Variants in ATF3 observed in about 807,000 individuals in gnomAD.
The protein encoded by ATF3 is cyclic AMP-dependent transcription factor ATF-3.
A neutral mutation model predicts 18.4 loss-of-function variants in ATF3; 10 were observed. The observed-to-expected ratio is 0.54, with a 90% CI of 0.34 to 0.92. The LOEUF (loss-of-function observed/expected upper bound fraction) is 0.92. Ranked by LOEUF, ATF3 falls within the 40% of genes least tolerant of loss-of-function variation. ATF3 has a pLI of 0.02. For synonymous variants in ATF3, 78 were observed against 87.9 expected (o/e 0.89, Z 0.63); for missense variants, 183 against 222.3 (o/e 0.82, Z 1.12).
chr1:212,614,548 CTT>C (rs766298744), intron 1 of ATF3, among the ~76,000 whole-genome samples: 13 of 108,002 alleles, frequency 1.2e-4, no homozygotes, highest in African/African-American at 4.6e-4. Context: ...GAAAAAGAGG[CTT>C]TTTTTTTTAA....
chr1:212,595,876 G>C (rs937058918), intron 1 of ATF3, among the ~76,000 whole-genome samples: 1 of 152,228 alleles, frequency 6.6e-6, no homozygotes, highest in Non-Finnish European at 1.5e-5. Context: ...CCTACACAAG[G>C]AAGTGACTTT....
At chr1:212,591,180 C>T (rs1217268472) in intron 1 of ATF3, among the ~76,000 whole-genome samples, 1 of 152,172 alleles carries the variant, frequency 6.6e-6, no homozygotes, top group Admixed American at 6.5e-5. Flanking sequence ...GAATGCTTTT[C>T]CCCACCTTCT....
At chr1:212,573,101 G>A (rs1032382098) in intron 1 of ATF3, among the ~76,000 whole-genome samples, 1 of 151,972 alleles carries the variant, frequency 6.6e-6, no homozygotes, top group Admixed American at 6.6e-5. Flanking sequence ...CAGTGTTTGT[G>A]CATCTTATTT....
At chr1:212,586,836 C>T (rs767442126) in intron 1 of ATF3, among the ~76,000 whole-genome samples, 3 of 152,176 alleles carry the variant, frequency 2.0e-5, no homozygotes, top group Non-Finnish European at 4.4e-5. Context: ...GTCAGTGCTG[C>T]AACCTTAAGA....
intron 1 of ATF3, among the ~76,000 whole-genome samples, chr1:212,590,631 A>G (rs1353530648): frequency 6.6e-6 from 1 of 152,212 alleles, no homozygotes; most frequent in Admixed American, 6.5e-5. Flanking sequence ...AAAACGTAAC[A>G]GGTGGAAATA....
intron 1 of ATF3, among the ~76,000 whole-genome samples, chr1:212,571,072 A>C (rs1348906905): frequency 6.6e-6 from 1 of 152,064 alleles, no homozygotes. Flanking sequence ...ACCATTGTAC[A>C]CTCCCACCAA....
intron 1 of ATF3, 48 bp downstream of exon 1, chr1:212,608,978 T>G (rs1432074918): frequency 1.3e-5 from 2 of 152,162 alleles, no homozygotes; most frequent in African/African-American, 4.8e-5. Flanking sequence ...GCTGCTCGCC[T>G]TCATTCCCTT....
chr1:212,572,553 C>T (rs1393251273), intron 1 of ATF3, among the ~76,000 whole-genome samples: 1 of 152,166 alleles, frequency 6.6e-6, no homozygotes, highest in Non-Finnish European at 1.5e-5. Context: ...ATTTTATTTG[C>T]TGTTCATACT....
Position 212,619,146 on chromosome 1 carries a change from C to A in ATF3, c.349-212C>A, listed in dbSNP as rs374539070. 21 of 1,613,808 alleles carry A rather than the reference C, an allele frequency of 1.3e-5. No individual in the cohort carries two copies. The African/African-American group carries it at 2.5e-4, about 19-fold the overall frequency. ...GCTTCAGTATTAGCAGAGCCACAGG[C>A]CGCCTCTGTGGCATCACCAGGGTTT... On this transcript the variant is annotated intron_variant, in intron 3 of 3. Coordinates refer to ENST00000341491, the MANE Select transcript of ATF3 (RefSeq NM_001674.4). This position sits in a 1 kb window ranked among gnomAD's most constrained non-coding sequence, Gnocchi z 4.4.
chr1:212,565,655 A>G (rs143587293), intron 1 of ATF3, among the ~76,000 whole-genome samples: 41 of 152,264 alleles, frequency 2.7e-4, no homozygotes, highest in African/African-American at 7.5e-4. Flanking sequence ...ATGGTACCCA[A>G]TGAAGTGATC....
intron 1 of ATF3, among the ~76,000 whole-genome samples, chr1:212,576,999 G>A (rs1250815640): frequency 2.0e-5 from 3 of 151,646 alleles, no homozygotes; most frequent in African/African-American, 4.8e-5. Context: ...CCAAAGTACC[G>A]GGATTACAGG....
At chr1:212,572,472 T>C (rs1418811505) in intron 1 of ATF3, among the ~76,000 whole-genome samples, 4 of 152,146 alleles carry the variant, frequency 2.6e-5, no homozygotes, top group Non-Finnish European at 4.4e-5. Flanking sequence ...TGAGCTGAGA[T>C]TGCACCATTG....
chr1:212,617,590 A>G (rs1655183413), intron 2 of ATF3, among the ~76,000 whole-genome samples: 1 of 152,166 alleles, frequency 6.6e-6, no homozygotes, highest in Admixed American at 6.5e-5. Context: ...TGCCTTTTCT[A>G]CAGGAGCATC....
Position 212,618,757 on chromosome 1 carries a change from G to A in ATF3, c.348+523G>A, listed in dbSNP as rs372523311. The A allele has an allele frequency of 1.4e-5, 7 of 515,468 alleles. No homozygotes were observed. The highest frequency in any genetic ancestry group is 3.6e-5 in the East Asian group (1 of 27,816). 31.9% of individuals were successfully genotyped at this position (515,468 alleles called of 1,614,324 possible). ...GCCCCTGGCTGCGTTCAGCCGGCCC[G>A]CCTGAGAGACACTAGGGGAAATAGC... is the stretch of plus-strand genomic sequence containing the variant. On this transcript the variant is annotated intron_variant, in intron 3 of 3. Transcript: ENST00000341491. This position sits in a 1 kb window ranked among gnomAD's most constrained non-coding sequence, Gnocchi z 4.4.
intron 1 of ATF3, among the ~76,000 whole-genome samples, chr1:212,576,166 G>C (rs1216406548): frequency 6.6e-6 from 1 of 151,968 alleles, no homozygotes; most frequent in African/African-American, 2.4e-5. Context: ...GGTTTTATCT[G>C]AATAAATTAC....
intron 1 of ATF3, among the ~76,000 whole-genome samples, chr1:212,597,085 A>T (rs1654301250): frequency 6.6e-6 from 1 of 152,218 alleles, no homozygotes; most frequent in Non-Finnish European, 1.5e-5. Flanking sequence ...GAAAATAGAC[A>T]TTAAGTGTTG....
At chr1:212,616,710 C>A (rs1347903985) in intron 2 of ATF3, among the ~76,000 whole-genome samples, 1 of 152,152 alleles carries the variant, frequency 6.6e-6, no homozygotes, top group Non-Finnish European at 1.5e-5. Flanking sequence ...CCACGTGAGT[C>A]AGGGGGCCTG....
chr1:212,616,113 C>T (rs908081131), intron 2 of ATF3, among the ~76,000 whole-genome samples: 3 of 151,846 alleles, frequency 2.0e-5, no homozygotes, highest in Non-Finnish European at 4.4e-5. Context: ...GTATTGGTGC[C>T]TGGTGGGCTG....
intron 1 of ATF3, among the ~76,000 whole-genome samples, chr1:212,576,273 C>T (rs1664574264): frequency 6.6e-6 from 1 of 151,868 alleles, no homozygotes; most frequent in Admixed American, 6.5e-5. Flanking sequence ...TTTAAAATCT[C>T]CACTGTATCT....
Sources: allele counts gnomAD v4.1 joint callset (sites outside exome capture counted in the v4.1 genomes callset), GRCh38; gene constraint gnomAD v4.1.1; non-coding constraint Gnocchi (gnomAD v3.1); transcripts MANE v1.5; gene names NCBI Gene and HGNC (gene_info 2026-07-23, HGNC 2026-07-21).